The following COPG1 variants were observed in gnomAD, a reference collection of about 807,000 sequenced individuals.
COPG1 encodes the protein coat protein complex I subunit gamma 1.
A neutral mutation model predicts 102.8 loss-of-function variants in COPG1; 29 were observed. The ratio of observed to expected loss-of-function variants is 0.28; its 90% confidence interval spans 0.21 to 0.38. The LOEUF is 0.38. Ranked by LOEUF, COPG1 falls within the 10% of genes least tolerant of loss-of-function variation. COPG1 has a pLI of 1.00. For synonymous variants in COPG1, 406 were observed against 421.6 expected (o/e 0.96, Z 0.45); for missense variants, 875 against 1,132.7 (o/e 0.77, Z 3.27).
intron 21 of COPG1, 68 bp downstream of exon 21, chr3:129,272,972 A>T (rs1940209503): frequency 1.2e-6 from 1 of 800,264 alleles, no homozygotes; most frequent in Non-Finnish European, 2.1e-6. Flanking sequence ...TCAGGAACTG[A>T]CAGTGAGACT....
chr3:129,266,838 G>A lies in COPG1; in HGVS notation c.1469-186G>A, dbSNP rs6808253. ...CCATTAAATAGATAAGGAAGTTGAG[G>A]CCTGGGATGGTGCCAAGATCCACCC... On this transcript the variant is annotated intron_variant, in intron 14 of 23. Coordinates refer to ENST00000314797, the MANE Select transcript of COPG1 (RefSeq NM_016128.4). Among the ~76,000 whole-genome samples, 539 of 152,232 alleles carry A rather than the reference G, an allele frequency of 3.5e-3. 2 individuals are homozygous for A. Among genetic ancestry groups the A allele is most frequent in the African/African-American group, 0.012 (496 of 41,534 alleles).
In COPG1 at chr3:129,272,434, A is replaced by G; in HGVS notation, c.2158+19A>G. On this transcript the variant is annotated intron_variant, in intron 20 of 23. Coordinates refer to ENST00000314797, the MANE Select transcript of COPG1 (RefSeq NM_016128.4). ...ACAGCTGGTGAGCCCCTCTCCAGATACCACCCTATCCTCCTGGGAGCTCAT... is the reference window on the plus strand; with the variant it reads ...ACAGCTGGTGAGCCCCTCTCCAGATGCCACCCTATCCTCCTGGGAGCTCAT... The G allele has an allele frequency of 6.2e-7, 1 of 1,605,250 alleles. No individual in the cohort carries two copies.
Position 129,254,906 on chromosome 3 carries a change from C to G in COPG1, c.400-79C>G, listed in dbSNP as rs931433097. On this transcript the variant is annotated intron_variant, in intron 6 of 23. Transcript: ENST00000314797. Reference sequence around the variant, plus strand: ...ACGCTTACTTCCTCCTCATACTCATCTCTGCCCCCATTCCTGCACTCCTGA... The same window carrying G: ...ACGCTTACTTCCTCCTCATACTCATGTCTGCCCCCATTCCTGCACTCCTGA... The G allele has an allele frequency of 6.8e-5, 87 of 1,283,458 alleles. No homozygotes were observed. In the African/African-American group the frequency reaches 1.2e-3, roughly 17 times the overall value. The allele number at this position is 1,283,458 out of a possible 1,614,324, so 79.5% of individuals were successfully genotyped here. A position where few individuals can be genotyped will look rare whatever the true frequency, so the allele number is the denominator to read the frequency against.
At chr3:129,255,131 A>G (rs1939780401) in intron 7 of COPG1, 54 bp downstream of exon 7, 1 of 1,181,052 alleles carries the variant, frequency 8.5e-7, no homozygotes, top group Non-Finnish European at 1.2e-6. Context: ...ATTGAAGAAA[A>G]TTTAAGAGTC....
rs1484580112 is a variant in COPG1 at position 129,271,949 on chromosome 3, C to T, written c.1986+40C>T. ...CTGAGGCCCTGCTGGGGCATGCGCC[C>T]AGGGAGTTGTCCCAGGTCTGGCAGG... is the stretch of plus-strand genomic sequence containing the variant. On this transcript the variant is annotated intron_variant, in intron 19 of 23. Transcript: ENST00000314797. This position sits in a 1 kb window ranked among gnomAD's most constrained non-coding sequence, Gnocchi z 4.7. 6.2e-7 allele frequency: 1 copy of T among 1,605,514 alleles called. No individual in the cohort carries two copies. The highest frequency in any genetic ancestry group is 1.7e-5 in the Admixed American group (1 of 59,160).
Position 129,257,392 on chromosome 3 carries a change from A to G in COPG1, c.580-78A>G, listed in dbSNP as rs1939830763. 9.2e-6 allele frequency: 14 copies of G among 1,516,166 alleles called. No homozygotes were observed. The Admixed American group carries it at 2.4e-4, about 26-fold the overall frequency. 93.9% of individuals were successfully genotyped at this position (1,516,166 alleles called of 1,614,324 possible). The stretch of plus-strand genomic sequence containing the variant: ...CCCATCTTAGAAATGAGAAGGCTGA[A>G]GGACCCACCCAGGGCCACACAGCCA... On this transcript the variant is annotated intron_variant, in intron 8 of 23. Coordinates refer to ENST00000314797, the MANE Select transcript of COPG1 (RefSeq NM_016128.4).
At chr3:129,276,837 T>TC (rs1437202893) in intron 23 of COPG1, among the ~76,000 whole-genome samples, 2 of 150,384 alleles carry the variant, frequency 1.3e-5, no homozygotes, top group East Asian at 3.9e-4. Context: ...TTTTTTTTTT[T>TC]TTTTGAGACG....
intron 10 of COPG1, 87 bp downstream of exon 10, chr3:129,257,947 A>C: frequency 6.5e-7 from 1 of 1,529,480 alleles, no homozygotes; most frequent in Non-Finnish European, 8.8e-7. Flanking sequence ...AAAGAAAGAA[A>C]ATGCTCTTAA....
At chr3:129,261,041 G>T (rs547565635) in intron 12 of COPG1, among the ~76,000 whole-genome samples, 18 of 152,214 alleles carry the variant, frequency 1.2e-4, no homozygotes, top group Non-Finnish European at 2.4e-4. Flanking sequence ...GTAGTTTCCA[G>T]GCCAGTTAAG....
At chr3:129,253,071 GCAGCTTCCCTGTTAC>G in intron 5 of COPG1, 116 bp downstream of exon 5, 2 of 849,118 alleles carry the variant, frequency 2.4e-6, no homozygotes, top group Non-Finnish European at 3.8e-6. Context: ...CCACCCCGTG[GCAGCTTCCCTGTTAC>G]CACTGCCCAC....
chr3:129,255,328 G>A (rs1247192271), intron 7 of COPG1, among the ~76,000 whole-genome samples: 1 of 151,550 alleles, frequency 6.6e-6, no homozygotes, highest in Non-Finnish European at 1.5e-5. Flanking sequence ...ACAGGCGTCT[G>A]CCACTGTGCC....
At chr3:129,267,496 C>T (rs1389719561) in intron 15 of COPG1, among the ~76,000 whole-genome samples, 1 of 152,098 alleles carries the variant, frequency 6.6e-6, no homozygotes, top group African/African-American at 2.4e-5. Flanking sequence ...TGGCGGGTGC[C>T]TGTAGTCCCA....
At chr3:129,272,149 G>T in intron 19 of COPG1, 95 bp from the exon 20 acceptor site, 1 of 1,223,148 alleles carries the variant, frequency 8.2e-7, no homozygotes, top group East Asian at 2.3e-5. Context: ...GAATCACCTT[G>T]GTCAATAGGA....
chr3:129,269,770 C>G (rs1940150737), intron 18 of COPG1, among the ~76,000 whole-genome samples: 2 of 151,936 alleles, frequency 1.3e-5, no homozygotes, highest in Non-Finnish European at 2.9e-5. Flanking sequence ...ATGAAACTTT[C>G]CATTTATATC....
intron 21 of COPG1, chr3:129,274,051 T>C (rs1245266674): frequency 2.2e-6 from 1 of 456,186 alleles, no homozygotes; most frequent in East Asian, 7.0e-5. Flanking sequence ...CATTCGCCAT[T>C]GTGTCATCCT....
Position 129,275,059 on chromosome 3 carries a change from C to G in COPG1, c.2395+83C>G. ...ATTGAAGTGCTCATCCCTTTTCTCT[C>G]CAAGGATCCAGGGCCATGTCTGGAG... On this transcript the variant is annotated intron_variant, in intron 22 of 23. Coordinates refer to ENST00000314797, the MANE Select transcript of COPG1 (RefSeq NM_016128.4). This position sits in a 1 kb window ranked among gnomAD's most constrained non-coding sequence, Gnocchi z 5.0. The G allele has an allele frequency of 6.5e-7, 1 of 1,549,108 alleles. No individual in the cohort carries two copies. Among genetic ancestry groups the G allele is most frequent in the Non-Finnish European group, 8.9e-7 (1 of 1,126,850 alleles).
rs750195141 is a variant in COPG1 at position 129,277,352 on chromosome 3, A to G, written c.2553A>G (p.Thr851=). ...GCTCCCGGCTGCTGCTTTTGGACAC[A>G]GTGACAATGCAGGTGACAGCCAGAA... ...LVRSRLLLLD[T]VTMQVTARSL... The change falls in exon 24 of 24, where the codon ACA becomes ACG. Residue 851 remains threonine (T), a synonymous_variant. Coordinates refer to ENST00000314797, the MANE Select transcript of COPG1 (RefSeq NM_016128.4). The G allele has an allele frequency of 2.0e-5, 32 of 1,613,888 alleles. No individual in the cohort carries two copies. Among genetic ancestry groups the G allele is most frequent in the Admixed American group, 1.3e-4 (8 of 59,994 alleles).
At chr3:129,259,624 A>T (rs1178503498) in intron 10 of COPG1, among the ~76,000 whole-genome samples, 1 of 152,078 alleles carries the variant, frequency 6.6e-6, no homozygotes, top group African/African-American at 2.4e-5. Context: ...TTTTTTGAGT[A>T]TTAGAGAATA....
chr3:129,255,434 C>T (rs1028309704), intron 7 of COPG1, among the ~76,000 whole-genome samples: 2 of 151,800 alleles, frequency 1.3e-5, no homozygotes, highest in Non-Finnish European at 1.5e-5. Context: ...GCCTCGGCCT[C>T]CCAAAGTGCT....
Sources: allele counts gnomAD v4.1 joint callset (sites outside exome capture counted in the v4.1 genomes callset), GRCh38; gene constraint gnomAD v4.1.1; non-coding constraint Gnocchi (gnomAD v3.1); transcripts MANE v1.5; gene names NCBI Gene and HGNC (gene_info 2026-07-23, HGNC 2026-07-21).